Variants in CPPED1 observed in about 807,000 individuals in gnomAD.
CPPED1 encodes serine/threonine-protein phosphatase CPPED1.
In CPPED1, 28 loss-of-function variants were observed where a neutral mutation model predicts 28.0. The ratio of observed to expected loss-of-function variants is 1.00; its 90% CI spans 0.74 to 1.37. The LOEUF (loss-of-function observed/expected upper bound fraction) is 1.37, where lower values mean the gene tolerates loss of function less well. CPPED1 is among the 40% of genes most tolerant of loss of function. The probability of loss-of-function intolerance (pLI) is 0.00; values close to 1 mark genes in which losing one functional copy is unlikely to be tolerated. For missense variants in CPPED1, 504 were observed against 416.5 expected, an observed-to-expected ratio of 1.21 and a Z score of -1.83; for synonymous variants, 198 against 180.2, an observed-to-expected ratio of 1.10 and a Z score of -0.79.
intron 1 of CPPED1, among the ~76,000 whole-genome samples, chr16:12,802,667 A>T (rs2080667647): frequency 6.6e-6 from 1 of 152,194 alleles, no homozygotes; most frequent in South Asian, 2.1e-4. Flanking sequence ...GTAGCAGGTA[A>T]AGTCTCTGAG....
chr16:12,704,556 G>A (rs1596453029), intron 3 of CPPED1, 68 bp downstream of exon 3: 3 of 1,477,338 alleles, frequency 2.0e-6, no homozygotes, highest in East Asian at 4.6e-5. Flanking sequence ...AGAGACGGGA[G>A]AAAGATCTGG....
intron 2 of CPPED1, among the ~76,000 whole-genome samples, chr16:12,768,879 T>C (rs995384910): frequency 2.0e-5 from 3 of 151,616 alleles, no homozygotes; most frequent in Non-Finnish European, 4.4e-5. Context: ...TTTTTTTTTT[T>C]TTTGAGACGG....
At chr16:12,770,571 C>T (rs1481721125) in intron 2 of CPPED1, among the ~76,000 whole-genome samples, 1 of 152,038 alleles carries the variant, frequency 6.6e-6, no homozygotes, top group African/African-American at 2.4e-5. Context: ...ACCTGTAATC[C>T]CAGCATTTTG....
intron 2 of CPPED1, among the ~76,000 whole-genome samples, chr16:12,771,965 A>G (rs2080472639): frequency 6.6e-6 from 1 of 152,110 alleles, no homozygotes; most frequent in Non-Finnish European, 1.5e-5. Flanking sequence ...TCTACTAAAA[A>G]TACAAAAATT....
At position 12,734,628 on chromosome 16, in the gene CPPED1, G is replaced by A. The variant is rs567667031; in HGVS notation, c.290-29579C>T. On this transcript the variant is annotated intron_variant, in intron 2 of 3. Transcript: ENST00000381774. ...TCTCCTGACCTCATGATCCGCCCAC[G>A]TCGGCCTCCCAAAGTGCTGGGAATA... Among the ~76,000 whole-genome samples, 5 of 152,102 alleles carry A rather than the reference G, an allele frequency of 3.3e-5. No individual in the cohort carries two copies. The South Asian group carries it at 6.2e-4, about 19-fold the overall frequency.
intron 1 of CPPED1, among the ~76,000 whole-genome samples, chr16:12,795,838 C>T (rs2080624669): frequency 6.6e-6 from 1 of 152,162 alleles, no homozygotes; most frequent in African/African-American, 2.4e-5. Flanking sequence ...AATCCCAGCA[C>T]TTCAAGAGGC....
chr16:12,675,981 T>C (rs1044207729), intron 3 of CPPED1, among the ~76,000 whole-genome samples: 1 of 152,106 alleles, frequency 6.6e-6, no homozygotes, highest in African/African-American at 2.4e-5. Context: ...AAGCGACAGA[T>C]GTTTCTTAAG....
At chr16:12,766,256 T>TATATATATATATATATATATATAG in intron 2 of CPPED1, among the ~76,000 whole-genome samples, 3 of 134,288 alleles carry the variant, frequency 2.2e-5, no homozygotes, top group African/African-American at 1.0e-4. Flanking sequence ...TATATATATA[T>TATATATATATATATATATATATAG]AGAGAGAGAG....
At chr16:12,756,009 T>C (rs2080364692) in intron 2 of CPPED1, among the ~76,000 whole-genome samples, 1 of 152,078 alleles carries the variant, frequency 6.6e-6, no homozygotes, top group African/African-American at 2.4e-5. Flanking sequence ...CGGGCACCTG[T>C]AGTCCCAGCT....
chr16:12,681,184 A>C (rs2079903144), intron 3 of CPPED1, among the ~76,000 whole-genome samples: 1 of 149,102 alleles, frequency 6.7e-6, no homozygotes, highest in Admixed American at 6.7e-5. Flanking sequence ...CCAACGTTTA[A>C]GTGTTATAAA....
chr16:12,784,552 C>T (rs928713917), intron 1 of CPPED1, among the ~76,000 whole-genome samples: 4 of 84,046 alleles, frequency 4.8e-5, no homozygotes, highest in African/African-American at 2.0e-4. Context: ...ACCATTTTGT[C>T]ATGAAAAAAA....
chr16:12,757,043 GTGACCAACTAAGTTATAGCACCTCGAGGA>G (rs1224394332), intron 2 of CPPED1, among the ~76,000 whole-genome samples: 4 of 152,248 alleles, frequency 2.6e-5, no homozygotes, highest in African/African-American at 7.2e-5. Flanking sequence ...GCACCTCGAG[GTGACCAACTAAGTTATAGCACCTCGAGGA>G]TGACCAACTA....
At chr16:12,729,377 C>T (rs949493486) in intron 2 of CPPED1, among the ~76,000 whole-genome samples, 4 of 152,106 alleles carry the variant, frequency 2.6e-5, no homozygotes, top group African/African-American at 9.7e-5. Context: ...ACGTGATCAG[C>T]TTAAATGTCC....
chr16:12,739,068 G>A (rs961734756), intron 2 of CPPED1, among the ~76,000 whole-genome samples: 10 of 152,146 alleles, frequency 6.6e-5, no homozygotes, highest in African/African-American at 9.7e-5. Flanking sequence ...TGCTTACCGA[G>A]CTGTGTAACC....
intron 2 of CPPED1, among the ~76,000 whole-genome samples, chr16:12,738,466 TA>T (rs902100213): frequency 4.6e-5 from 7 of 151,858 alleles, no homozygotes; most frequent in East Asian, 1.9e-4. Flanking sequence ...TGCTTATTAT[TA>T]AAAAAAATGT....
At chr16:12,803,495 C>T (rs894212449) in intron 1 of CPPED1, among the ~76,000 whole-genome samples, 1 of 152,226 alleles carries the variant, frequency 6.6e-6, no homozygotes. Flanking sequence ...GCCAAGGAGG[C>T]TCCTAGACCA....
At chr16:12,708,985 CAGG>C (rs979530446) in intron 2 of CPPED1, among the ~76,000 whole-genome samples, 25 of 152,178 alleles carry the variant, frequency 1.6e-4, no homozygotes, top group African/African-American at 5.8e-4. Context: ...GAGGCTGAGA[CAGG>C]AGAATTGCTT....
At chr16:12,756,008 G>A (rs8054851) in intron 2 of CPPED1, among the ~76,000 whole-genome samples, 1,881 of 152,222 alleles carry the variant, frequency 0.012, 36 homozygotes, top group African/African-American at 0.043. Context: ...GCGGGCACCT[G>A]TAGTCCCAGC....
intron 3 of CPPED1, among the ~76,000 whole-genome samples, chr16:12,703,088 T>C (rs1470941882): frequency 6.6e-6 from 1 of 152,176 alleles, no homozygotes; most frequent in African/African-American, 2.4e-5. Flanking sequence ...TCTCTGGCTT[T>C]ATTCTCCACT....
Sources: gnomAD v4.1 joint callset for allele counts (sites outside exome capture counted in the v4.1 genomes callset) on GRCh38, gnomAD v4.1.1 for gene constraint, MANE v1.5 for transcripts, NCBI Gene and HGNC (gene_info 2026-07-23, HGNC 2026-07-21) for gene names.